Variants in LRP1B observed in about 807,000 individuals in gnomAD.
LRP1B encodes the protein LDL receptor related protein 1B.
LRP1B carries 217 observed loss-of-function variants against 556.6 expected under a neutral mutation model. That is an observed-to-expected ratio of 0.39 (90% confidence interval 0.35 to 0.44). LRP1B has a LOEUF of 0.44. Ranked by LOEUF, LRP1B falls within the 20% of genes least tolerant of loss-of-function variation. The pLI is 1.00. For missense variants in LRP1B, 5,053 were observed against 5,620.8 expected (o/e 0.90, Z 3.23); for synonymous variants, 2,047 against 1,865.8 (o/e 1.10, Z -2.50).
chr2:140,369,133 G>A (rs116143022), intron 71 of LRP1B, among the ~76,000 whole-genome samples: 3,925 of 151,950 alleles, frequency 0.026, 61 homozygotes, highest in African/African-American at 0.028. Flanking sequence ...GCAGTGGAAA[G>A]TAAGTCTGGG....
intron 3 of LRP1B, among the ~76,000 whole-genome samples, chr2:141,441,646 A>G (rs1029548024): frequency 3.3e-4 from 50 of 152,210 alleles, no homozygotes; most frequent in Admixed American, 7.2e-4. Flanking sequence ...GCTTTTACAC[A>G]TTATACATCT....
At chr2:141,554,921 G>A (rs553535781) in intron 2 of LRP1B, among the ~76,000 whole-genome samples, 1 of 151,992 alleles carries the variant, frequency 6.6e-6, no homozygotes, top group South Asian at 2.1e-4. Flanking sequence ...AAGACTCTGT[G>A]GTGTATCAAG....
chr2:140,376,390 T>C (rs950363055), intron 68 of LRP1B, among the ~76,000 whole-genome samples: 3 of 152,228 alleles, frequency 2.0e-5, no homozygotes, highest in Admixed American at 2.0e-4. Context: ...ATGTTTTACA[T>C]ATTACCCAGA....
At chr2:140,870,506 G>A (rs551794517) in intron 25 of LRP1B, among the ~76,000 whole-genome samples, 124 of 152,160 alleles carry the variant, frequency 8.1e-4, no homozygotes, top group African/African-American at 2.8e-3. Context: ...TAGTAATCCT[G>A]TATGCCTTTT....
chr2:140,790,637 T>TG (rs1248809700), intron 32 of LRP1B, among the ~76,000 whole-genome samples: 1 of 152,174 alleles, frequency 6.6e-6, no homozygotes, highest in Admixed American at 6.5e-5. Flanking sequence ...AGCCTTCTAC[T>TG]AGGTAGTGAG....
At chr2:142,109,398 T>G (rs1305503668) in intron 1 of LRP1B, among the ~76,000 whole-genome samples, 1 of 152,318 alleles carries the variant, frequency 6.6e-6, no homozygotes, top group South Asian at 2.1e-4. Flanking sequence ...GTGGTTATGA[T>G]GTTAACTCAC....
intron 7 of LRP1B, among the ~76,000 whole-genome samples, chr2:141,065,421 C>A (rs192535965): frequency 9.2e-5 from 14 of 152,066 alleles, no homozygotes; most frequent in African/African-American, 3.4e-4. Context: ...GAAAAAATTT[C>A]TGATTCAGAA....
At chr2:141,982,132 A>G (rs1235197839) in intron 1 of LRP1B, among the ~76,000 whole-genome samples, 1 of 152,128 alleles carries the variant, frequency 6.6e-6, no homozygotes, top group Non-Finnish European at 1.5e-5. Flanking sequence ...GAACCTCTCC[A>G]CAACCTATGC....
At chr2:141,205,726 A>C (rs1179671155) in intron 6 of LRP1B, among the ~76,000 whole-genome samples, 1 of 152,198 alleles carries the variant, frequency 6.6e-6, no homozygotes, top group African/African-American at 2.4e-5. Context: ...TGATAGAGAA[A>C]AGCCTTATTT....
chr2:141,465,336 T>C (rs1016481025), intron 3 of LRP1B, among the ~76,000 whole-genome samples: 1 of 150,014 alleles, frequency 6.7e-6, no homozygotes, highest in African/African-American at 2.5e-5. Flanking sequence ...GGGAAAGAAA[T>C]GGGGAAAAAA....
chr2:140,579,275 C>A (rs1422776953), intron 43 of LRP1B, among the ~76,000 whole-genome samples: 1 of 152,110 alleles, frequency 6.6e-6, no homozygotes, highest in Non-Finnish European at 1.5e-5. Context: ...AAATACTGTA[C>A]TCCTCACATA....
chr2:141,307,430 G>A (rs1172758588), intron 3 of LRP1B, among the ~76,000 whole-genome samples: 5 of 151,810 alleles, frequency 3.3e-5, no homozygotes, highest in Non-Finnish European at 5.9e-5. Flanking sequence ...AGCTATTCCT[G>A]CTTGGTTTTG....
At chr2:140,252,104 A>G (rs1263967738) in intron 86 of LRP1B, among the ~76,000 whole-genome samples, 1 of 148,772 alleles carries the variant, frequency 6.7e-6, no homozygotes, top group Non-Finnish European at 1.5e-5. Context: ...AAAAACAAAA[A>G]AAAACAGAAA....
At chr2:140,391,994 C>T (rs1467612180) in intron 66 of LRP1B, among the ~76,000 whole-genome samples, 2 of 152,104 alleles carry the variant, frequency 1.3e-5, no homozygotes. Context: ...TGCTACTTCC[C>T]TGTTTCAGCA....
intron 2 of LRP1B, among the ~76,000 whole-genome samples, chr2:141,746,276 G>C (rs62168668): frequency 0.24 from 37,044 of 152,020 alleles, 5,141 homozygotes; most frequent in Non-Finnish European, 0.31. Flanking sequence ...AGGTCTTGGA[G>C]CAATTTAGCC....
intron 7 of LRP1B, among the ~76,000 whole-genome samples, chr2:141,149,371 C>A (rs534225024): frequency 6.6e-6 from 1 of 152,070 alleles, no homozygotes; most frequent in African/African-American, 2.4e-5. Flanking sequence ...AAGAATATTA[C>A]GTGAATAGTT....
intron 7 of LRP1B, among the ~76,000 whole-genome samples, chr2:141,087,921 T>G (rs1700085671): frequency 6.6e-6 from 1 of 152,106 alleles, no homozygotes; most frequent in Non-Finnish European, 1.5e-5. Context: ...TTAGACATTA[T>G]AATTCTTAAG....
At chr2:142,072,793 C>T (rs1164314561) in intron 1 of LRP1B, among the ~76,000 whole-genome samples, 1 of 151,906 alleles carries the variant, frequency 6.6e-6, no homozygotes, top group African/African-American at 2.4e-5. Context: ...TGAGGTCTGG[C>T]ATAGTGGGTA....
intron 41 of LRP1B, among the ~76,000 whole-genome samples, chr2:140,604,384 C>T (rs753442383): frequency 2.0e-5 from 3 of 152,002 alleles, no homozygotes; most frequent in Admixed American, 6.6e-5. Flanking sequence ...AACTCAGAAC[C>T]GTGGTTGTAC....
Sources: allele counts gnomAD v4.1 joint callset (sites outside exome capture counted in the v4.1 genomes callset), GRCh38; gene constraint gnomAD v4.1.1; transcripts MANE v1.5; gene names NCBI Gene and HGNC (gene_info 2026-07-23, HGNC 2026-07-21).